The following ACTR3 variants were observed in gnomAD, a reference collection of about 807,000 sequenced individuals.
The protein encoded by ACTR3 is actin related protein 3, also known as actin-related protein 3.
In ACTR3, 12 loss-of-function variants were observed where a neutral mutation model predicts 56.8. That is an observed-to-expected ratio of 0.21 (90% CI 0.14 to 0.34). The LOEUF is 0.34. Ranked by LOEUF, ACTR3 falls within the 10% of genes least tolerant of loss-of-function variation. The probability of loss-of-function intolerance (pLI) is 1.00; values close to 1 mark genes in which losing one functional copy is unlikely to be tolerated. For missense variants in ACTR3, 282 were observed against 512.5 expected, an observed-to-expected ratio of 0.55 and a Z score of 4.34; for synonymous variants, 162 against 167.4, an observed-to-expected ratio of 0.97 and a Z score of 0.25.
At chr2:113,890,489 G>C in intron 1 of ACTR3, 166 bp downstream of exon 1, 2 of 1,308,670 alleles carry the variant, frequency 1.5e-6, no homozygotes, top group South Asian at 1.6e-5. Context: ...GGGCCTCGCG[G>C]GTCCCCTCGT....
intron 7 of ACTR3, among the ~76,000 whole-genome samples, chr2:113,941,850 A>G (rs1679929570): frequency 6.6e-6 from 1 of 152,140 alleles, no homozygotes; most frequent in African/African-American, 2.4e-5. Context: ...CTCCTTACCT[A>G]CAGCACAAGA....
chr2:113,918,145 T>C (rs1679442018), intron 3 of ACTR3, among the ~76,000 whole-genome samples: 1 of 152,186 alleles, frequency 6.6e-6, no homozygotes, highest in African/African-American at 2.4e-5. Context: ...CTGAATATGT[T>C]GTTAGACCAT....
intron 10 of ACTR3, 137 bp downstream of exon 10, chr2:113,951,982 A>G (rs1002053997): frequency 3.6e-6 from 4 of 1,097,736 alleles, no homozygotes; most frequent in South Asian, 1.7e-5. Flanking sequence ...GGTTAATGTT[A>G]TAGATTTATG....
At chr2:113,918,136 T>C (rs1679441893) in intron 3 of ACTR3, among the ~76,000 whole-genome samples, 1 of 152,184 alleles carries the variant, frequency 6.6e-6, no homozygotes, top group Non-Finnish European at 1.5e-5. Flanking sequence ...GAAAGAGCAC[T>C]GAATATGTTG....
intron 1 of ACTR3, among the ~76,000 whole-genome samples, chr2:113,894,856 T>C (rs1425576806): frequency 2.6e-5 from 4 of 152,210 alleles, no homozygotes; most frequent in Non-Finnish European, 5.9e-5. Flanking sequence ...ACCTGAGTTC[T>C]GTATTTAAGT....
intron 7 of ACTR3, among the ~76,000 whole-genome samples, chr2:113,940,977 T>C (rs1679914971): frequency 6.6e-6 from 1 of 151,994 alleles, no homozygotes; most frequent in African/African-American, 2.4e-5. Context: ...CATATCACCA[T>C]GTCTGGCTAA....
chr2:113,924,031 T>C (rs139923985), intron 3 of ACTR3, among the ~76,000 whole-genome samples: 81 of 151,870 alleles, frequency 5.3e-4, no homozygotes, highest in African/African-American at 2.0e-3. Flanking sequence ...TGGAAACCTG[T>C]TGGCATCTTC....
intron 8 of ACTR3, among the ~76,000 whole-genome samples, chr2:113,947,001 A>G (rs1038152447): frequency 1.3e-5 from 2 of 152,112 alleles, no homozygotes; most frequent in Non-Finnish European, 2.9e-5. Flanking sequence ...CTTTCCTTTT[A>G]ATTCTCTTGC....
At chr2:113,945,443 T>G (rs1379890529) in intron 8 of ACTR3, among the ~76,000 whole-genome samples, 1 of 152,216 alleles carries the variant, frequency 6.6e-6, no homozygotes, top group East Asian at 1.9e-4. Context: ...CCTTTCAGAT[T>G]AGTTCTTTCT....
chr2:113,927,275 C>CT, intron 3 of ACTR3, 70 bp from the exon 4 acceptor site: 2 of 1,068,098 alleles, frequency 1.9e-6, no homozygotes, highest in East Asian at 2.7e-5. Context: ...CTGATATTTC[C>CT]TTTTTTGTAT....
intron 7 of ACTR3, among the ~76,000 whole-genome samples, chr2:113,941,636 G>A (rs1574378246): frequency 6.6e-6 from 1 of 152,042 alleles, no homozygotes; most frequent in African/African-American, 2.4e-5. Context: ...ATATTTTTCA[G>A]TGTTTTTGAT....
rs755014146 is a variant in ACTR3 at position 113,957,365 on chromosome 2, G to A, written c.1167G>A (p.Glu389=). ...TACATATTTTTTGTTTTCAGCCTGA[G>A]TTCTACCAAGTATGCCACACCAAAA... ...FGGSMLASTP[E]FYQVCHTKKD... Residue 389 remains glutamate, a synonymous_variant, in exon 12 of 12, where the codon GAG becomes GAA. Transcript: ENST00000263238. 1 of 1,612,642 alleles carries A rather than the reference G, an allele frequency of 6.2e-7. No individual in the cohort carries two copies. The highest frequency in any genetic ancestry group is 8.5e-7 in the Non-Finnish European group (1 of 1,179,086).
At chr2:113,951,625 C>A in intron 9 of ACTR3, 54 bp downstream of exon 9, 1 of 1,535,538 alleles carries the variant, frequency 6.5e-7, no homozygotes, top group Non-Finnish European at 9.0e-7. Flanking sequence ...ACTTAAACAC[C>A]TCTCATAAAA....
intron 1 of ACTR3, among the ~76,000 whole-genome samples, chr2:113,902,850 G>A (rs926326688): frequency 2.0e-5 from 3 of 152,162 alleles, no homozygotes; most frequent in Non-Finnish European, 2.9e-5. Flanking sequence ...TCGCCCGCCT[G>A]GGCCTCCCAA....
At chr2:113,903,640 A>G (rs1038618518) in intron 1 of ACTR3, among the ~76,000 whole-genome samples, 1 of 151,392 alleles carries the variant, frequency 6.6e-6, no homozygotes, top group Non-Finnish European at 1.5e-5. Context: ...GGTTAAAGCA[A>G]TTCTCCTGCC....
intron 3 of ACTR3, among the ~76,000 whole-genome samples, chr2:113,922,102 G>A (rs967711579): frequency 6.6e-6 from 1 of 152,114 alleles, no homozygotes; most frequent in Non-Finnish European, 1.5e-5. Flanking sequence ...AAGAGTAGTT[G>A]GGCTAGATGA....
chr2:113,901,727 A>G (rs1229471978), intron 1 of ACTR3, among the ~76,000 whole-genome samples: 1 of 152,180 alleles, frequency 6.6e-6, no homozygotes, highest in Non-Finnish European at 1.5e-5. Flanking sequence ...TGAACTATTG[A>G]AAGTTAAAAC....
rs961368532 is a variant in ACTR3, at chr2:113,959,366, A to G, written c.*1911A>G. ...GTAAAGATGTCATGCTCCTGGCCCA[A>G]TAAAATATTGTTAGCATTGTCATAA... On this transcript the variant is annotated 3_prime_UTR_variant, in exon 12 of 12. Coordinates refer to ENST00000263238, the MANE Select transcript of ACTR3 (RefSeq NM_005721.5). 6.6e-6 allele frequency: 1 copy of G among 152,008 alleles called. No individual in the cohort carries two copies. Among genetic ancestry groups the G allele is most frequent in the African/African-American group, 2.4e-5 (1 of 41,428 alleles). 9.4% of individuals were successfully genotyped at this position (152,008 alleles called of 1,614,324 possible).
chr2:113,947,024 G>A (rs1289017557), intron 8 of ACTR3, among the ~76,000 whole-genome samples: 4 of 152,092 alleles, frequency 2.6e-5, no homozygotes, highest in Admixed American at 1.3e-4. Context: ...TCATTTTAGC[G>A]GAGAGTCAAG....
Sources: allele counts gnomAD v4.1 joint callset (sites outside exome capture counted in the v4.1 genomes callset), GRCh38; gene constraint gnomAD v4.1.1; transcripts MANE v1.5; gene names NCBI Gene and HGNC (gene_info 2026-07-23, HGNC 2026-07-21).